The following TRHDE variants were observed in gnomAD, a reference collection of about 807,000 sequenced individuals.
The protein encoded by TRHDE is thyrotropin releasing hormone degrading enzyme, also known as thyrotropin-releasing hormone-degrading ectoenzyme.
In TRHDE, 72 loss-of-function variants were observed where a neutral mutation model predicts 125.7. The ratio of observed to expected loss-of-function variants is 0.57; its 90% CI spans 0.47 to 0.70. The LOEUF (loss-of-function observed/expected upper bound fraction) is 0.70, where lower values mean the gene tolerates loss of function less well. TRHDE is among the 30% of genes least tolerant of loss of function. The pLI, the probability that TRHDE is intolerant of heterozygous loss-of-function variation, is 0.00. For synonymous variants in TRHDE, 509 were observed against 509.1 expected, an observed-to-expected ratio of 1.00 and a Z score of 0.00; for missense variants, 1,110 against 1,327.1, an observed-to-expected ratio of 0.84 and a Z score of 2.54.
At chr12:72,577,419 A>C (rs1049898202) in intron 12 of TRHDE, among the ~76,000 whole-genome samples, 8 of 152,200 alleles carry the variant, frequency 5.3e-5, no homozygotes, top group South Asian at 2.1e-4. Context: ...GGAGAGCCAC[A>C]GCCTGGATCC....
At chr12:72,269,408 C>G (rs1009506012), upstream of TRHDE, among the ~76,000 whole-genome samples, 1 of 152,038 alleles carries the variant, frequency 6.6e-6, no homozygotes, top group Non-Finnish European at 1.5e-5. Flanking sequence ...CCACTTGGGT[C>G]TGAAAAAATA....
intron 2 of TRHDE, among the ~76,000 whole-genome samples, chr12:72,373,994 G>A (rs1871748787): frequency 6.6e-6 from 1 of 152,122 alleles, no homozygotes; most frequent in Non-Finnish European, 1.5e-5. Context: ...TTTGATTACT[G>A]TATACATAAC....
intron 15 of TRHDE, among the ~76,000 whole-genome samples, chr12:72,627,327 T>C (rs184404865): frequency 1.0e-3 from 153 of 152,036 alleles, no homozygotes; most frequent in African/African-American, 3.5e-3. Context: ...AAAATAACTT[T>C]AAGGATAATC....
At chr12:72,185,199 C>T (rs576936614) in intron 2 of TRHDE, among the ~76,000 whole-genome samples, 2 of 152,320 alleles carry the variant, frequency 1.3e-5, no homozygotes, top group South Asian at 2.1e-4. Context: ...GCCAGTGGCT[C>T]CGGAGGGTGT....
At chr12:72,523,542 T>C (rs1054408357) in intron 6 of TRHDE, among the ~76,000 whole-genome samples, 9 of 152,208 alleles carry the variant, frequency 5.9e-5, no homozygotes, top group Non-Finnish European at 1.3e-4. Flanking sequence ...TTTTATTTTA[T>C]AAAGGTCGTG....
chr12:72,264,283 C>G (rs1298570272), intron 2 of TRHDE: 1 of 151,984 alleles, frequency 6.6e-6, no homozygotes, highest in East Asian at 1.9e-4. Context: ...AGTAAGGTAA[C>G]TCAATGCAAA....
chr12:72,172,309 A>C (rs1876890747), intron 2 of TRHDE, among the ~76,000 whole-genome samples: 1 of 152,216 alleles, frequency 6.6e-6, no homozygotes, highest in Non-Finnish European at 1.5e-5. Context: ...CCTTGATTCA[A>C]GAATTACTGC....
intron 3 of TRHDE, among the ~76,000 whole-genome samples, chr12:72,382,756 G>T (rs2135782056): frequency 6.6e-6 from 1 of 152,248 alleles, no homozygotes; most frequent in Non-Finnish European, 1.5e-5. Context: ...ACTTAGTACT[G>T]GATCCTTCTT....
chr12:72,368,257 T>TA (rs1329675925), intron 2 of TRHDE, among the ~76,000 whole-genome samples: 1 of 152,168 alleles, frequency 6.6e-6, no homozygotes. Flanking sequence ...ATGATAAACT[T>TA]AAAAAGTCTG....
intron 2 of TRHDE, among the ~76,000 whole-genome samples, chr12:72,371,844 A>G (rs1240367777): frequency 1.3e-5 from 2 of 152,206 alleles, no homozygotes; most frequent in East Asian, 3.8e-4. Context: ...TAGTGCCGCA[A>G]TAAACATACA....
chr12:72,199,473 T>G (rs1169838159), intron 2 of TRHDE, among the ~76,000 whole-genome samples: 2 of 152,120 alleles, frequency 1.3e-5, no homozygotes, highest in Non-Finnish European at 2.9e-5. Flanking sequence ...ACCTGGAAAC[T>G]ATTGATGCCA....
At chr12:72,380,734 GCTTCCTTCCTTCCTTC>G (rs1227111391) in intron 3 of TRHDE, among the ~76,000 whole-genome samples, 4 of 82,078 alleles carry the variant, frequency 4.9e-5, no homozygotes, top group Non-Finnish European at 7.1e-5. Context: ...TTCCTTCCTT[GCTTCCTTCCTTCCTTC>G]CTTCCTTCCT....
intron 3 of TRHDE, among the ~76,000 whole-genome samples, chr12:72,403,125 C>G (rs573119929): frequency 6.6e-6 from 1 of 152,146 alleles, no homozygotes; most frequent in East Asian, 1.9e-4. Flanking sequence ...CATACATGCA[C>G]ACATGGGCCT....
At chr12:72,490,668 T>G (rs948909961) in intron 5 of TRHDE, among the ~76,000 whole-genome samples, 1 of 150,232 alleles carries the variant, frequency 6.7e-6, no homozygotes, top group Non-Finnish European at 1.5e-5. Context: ...TGTCATACCA[T>G]GGATATGTCT....
intron 15 of TRHDE, among the ~76,000 whole-genome samples, chr12:72,622,561 T>G (rs1390594227): frequency 6.6e-6 from 1 of 152,082 alleles, no homozygotes; most frequent in Admixed American, 6.6e-5. Flanking sequence ...GGGCTTGATT[T>G]GTACAGATGA....
intron 10 of TRHDE, among the ~76,000 whole-genome samples, chr12:72,571,590 T>C (rs1870734307): frequency 6.6e-6 from 1 of 152,198 alleles, no homozygotes; most frequent in Non-Finnish European, 1.5e-5. Context: ...GTGTTTATCT[T>C]TTTCATTCTT....
intron 6 of TRHDE, among the ~76,000 whole-genome samples, chr12:72,502,156 A>G (rs568097137): frequency 5.9e-5 from 9 of 152,102 alleles, no homozygotes; most frequent in Non-Finnish European, 1.5e-5. Flanking sequence ...TTTCTATTTC[A>G]TAGATATGCT....
intron 3 of TRHDE, among the ~76,000 whole-genome samples, chr12:72,385,461 A>G (rs1872370772): frequency 6.6e-6 from 1 of 152,088 alleles, no homozygotes; most frequent in Non-Finnish European, 1.5e-5. Context: ...TTCCTATTTT[A>G]TGTAGGTAAT....
In TRHDE at chr12:72,409,024, A is replaced by G. The variant is rs541602175; in HGVS notation, c.1315+30903A>G. 3.3e-5 allele frequency among the ~76,000 whole-genome samples: 5 copies of G among 152,288 alleles called. No individual in the cohort carries two copies. The East Asian group carries it at 5.8e-4, about 18-fold the overall frequency. On this transcript the variant is annotated intron_variant, in intron 3 of 18. Transcript: ENST00000261180. Reference sequence around the variant, plus strand: ...TCCTGAACAGAACAAATACTAGTCTATGGATTCAAGATGCCCAACAAATCT... The same window carrying G: ...TCCTGAACAGAACAAATACTAGTCTGTGGATTCAAGATGCCCAACAAATCT...
Sources: allele counts gnomAD v4.1 joint callset (sites outside exome capture counted in the v4.1 genomes callset), GRCh38; gene constraint gnomAD v4.1.1; transcripts MANE v1.5; gene names NCBI Gene and HGNC (gene_info 2026-07-23, HGNC 2026-07-21).